TFB2M: variants seen among roughly 807,000 people sequenced by gnomAD.
TFB2M encodes transcription factor B2, mitochondrial.
A neutral mutation model predicts 41.3 loss-of-function variants in TFB2M; 44 were observed. That is an observed-to-expected ratio of 1.07 (90% CI 0.84 to 1.37). The LOEUF (loss-of-function observed/expected upper bound fraction) is 1.37. TFB2M is among the 40% of genes most tolerant of loss of function. The pLI, the probability that TFB2M is intolerant of heterozygous loss-of-function variation, is 0.00. For missense variants in TFB2M, 496 were observed against 490.2 expected (o/e 1.01, Z -0.11); for synonymous variants, 188 against 176.8 (o/e 1.06, Z -0.50).
intron 6 of TFB2M, among the ~76,000 whole-genome samples, chr1:246,544,928 C>T (rs1206967781): frequency 2.0e-5 from 3 of 152,102 alleles, no homozygotes; most frequent in Non-Finnish European, 4.4e-5. Flanking sequence ...GCCTCAGCCT[C>T]CCGAGTAGCT....
At chr1:246,564,207 T>C (rs1000603225) in intron 2 of TFB2M, 139 bp downstream of exon 2, 6 of 687,828 alleles carry the variant, frequency 8.7e-6, no homozygotes, top group Non-Finnish European at 1.5e-5. Flanking sequence ...TTCTAGTCTT[T>C]GGGAATAAAC....
chr1:246,540,690 T>C lies in TFB2M; in HGVS notation c.*341A>G, dbSNP rs887797974. 1 of 187,626 alleles carries C rather than the reference T, an allele frequency of 5.3e-6. No individual in the cohort carries two copies. The highest frequency in any genetic ancestry group is 2.3e-5 in the African/African-American group (1 of 42,700). 11.6% of individuals were successfully genotyped at this position (187,626 alleles called of 1,614,324 possible). Reference sequence around the variant, plus strand: ...AAACCAGTAAATCAGTTTTGCTTACTTTCTAAGCTTAATAATGTACAGACT... The same window carrying C: ...AAACCAGTAAATCAGTTTTGCTTACCTTCTAAGCTTAATAATGTACAGACT... On this transcript the variant is annotated 3_prime_UTR_variant, in exon 8 of 8. Transcript: ENST00000366514.
In TFB2M at chr1:246,565,582, C is replaced by G. The variant is rs555705197; in HGVS notation, c.313+244G>C. ...AGAAAATTAGCTGGGCGTGGTGGCG[C>G]GCGCCTGTAGTTCTTGCTACTCGGG... On this transcript the variant is annotated intron_variant, in intron 1 of 7. Coordinates refer to ENST00000366514, the MANE Select transcript of TFB2M (RefSeq NM_022366.3). 1.6e-4 allele frequency among the ~76,000 whole-genome samples: 25 copies of G among 152,186 alleles called. No homozygotes were observed. The South Asian group carries it at 5.0e-3, about 30-fold the overall frequency.
Position 246,551,985 on chromosome 1 carries a change from T to C in TFB2M, c.706-683A>G, listed in dbSNP as rs137874548. Among the ~76,000 whole-genome samples the C allele has an allele frequency of 1.7e-3, 255 of 152,276 alleles. 1 individual carries two copies. The highest frequency in any genetic ancestry group is 5.8e-3 in the African/African-American group (241 of 41,550). ...TAAATGGGTCTGGGGGAGCAAATCATCCCTTCATTTTTTGCCCCACTATCC... is the reference window on the plus strand; with the variant it reads ...TAAATGGGTCTGGGGGAGCAAATCACCCCTTCATTTTTTGCCCCACTATCC... On this transcript the variant is annotated intron_variant, in intron 4 of 7. Coordinates refer to ENST00000366514, the MANE Select transcript of TFB2M (RefSeq NM_022366.3).
At chr1:246,554,213 T>C (rs796076240) in intron 4 of TFB2M, among the ~76,000 whole-genome samples, 7 of 152,146 alleles carry the variant, frequency 4.6e-5, no homozygotes, top group African/African-American at 1.7e-4. Flanking sequence ...GCCAAAACTA[T>C]AAAACTCTTA....
At chr1:246,559,332 C>T (rs1659397563) in intron 2 of TFB2M, among the ~76,000 whole-genome samples, 1 of 152,096 alleles carries the variant, frequency 6.6e-6, no homozygotes, top group Admixed American at 6.6e-5. Flanking sequence ...GCGGATCACA[C>T]AAGGTCAGGA....
At chr1:246,551,556 G>T (rs527902171) in intron 4 of TFB2M, among the ~76,000 whole-genome samples, 1 of 152,298 alleles carries the variant, frequency 6.6e-6, no homozygotes, top group Non-Finnish European at 1.5e-5. Context: ...AATAGCCACA[G>T]CACTCCGGCA....
intron 6 of TFB2M, among the ~76,000 whole-genome samples, chr1:246,545,798 C>A (rs2102983839): frequency 9.4e-6 from 1 of 105,888 alleles, no homozygotes; most frequent in East Asian, 3.1e-4. Flanking sequence ...GGTGACAGAG[C>A]AAGACCCTGA....
chr1:246,559,441 G>C (rs149345950), intron 2 of TFB2M, among the ~76,000 whole-genome samples: 1 of 152,220 alleles, frequency 6.6e-6, no homozygotes, highest in African/African-American at 2.4e-5. Flanking sequence ...TCCAGCTATT[G>C]GGGAGGTGAA....
intron 2 of TFB2M, among the ~76,000 whole-genome samples, chr1:246,561,413 C>G (rs913155700): frequency 6.6e-6 from 1 of 152,146 alleles, no homozygotes; most frequent in African/African-American, 2.4e-5. Context: ...TCTCTAGTCC[C>G]TAACCTTCCT....
At chr1:246,564,925 TCGC>T (rs748871591) in intron 1 of TFB2M, among the ~76,000 whole-genome samples, 3 of 152,152 alleles carry the variant, frequency 2.0e-5, no homozygotes, top group Non-Finnish European at 4.4e-5. Flanking sequence ...AGGGAACCAC[TCGC>T]CTCGGCCTCT....
At chr1:246,558,519 G>A (rs996784865) in intron 2 of TFB2M, among the ~76,000 whole-genome samples, 1 of 152,174 alleles carries the variant, frequency 6.6e-6, no homozygotes, top group Non-Finnish European at 1.5e-5. Context: ...CTGCTTAGTA[G>A]TGGTTACCTG....
At chr1:246,553,093 G>T (rs112372009) in intron 4 of TFB2M, among the ~76,000 whole-genome samples, 3,883 of 151,908 alleles carry the variant, frequency 0.026, 111 homozygotes, top group African/African-American at 0.06. Flanking sequence ...ATGGTGGCGC[G>T]TGCCTGTAAT....
intron 7 of TFB2M, among the ~76,000 whole-genome samples, chr1:246,542,336 T>C (rs3120700): frequency 0.24 from 36,575 of 151,656 alleles, 4,865 homozygotes; most frequent in Middle Eastern, 0.43. Context: ...TGTATCAGCT[T>C]AGCAACAAAC....
At chr1:246,544,378 G>A (rs186112615) in intron 7 of TFB2M, 143 bp downstream of exon 7, 23 of 728,298 alleles carry the variant, frequency 3.2e-5, no homozygotes, top group African/African-American at 1.3e-4. Flanking sequence ...TGTACACCAG[G>A]GAGAACAAAT....
rs529728393 is a variant in TFB2M, at chr1:246,545,125, C to T, written c.859-444G>A. 3.6e-4 allele frequency among the ~76,000 whole-genome samples: 54 copies of T among 152,078 alleles called. 1 individual carries two copies. The highest frequency in any genetic ancestry group is 5.9e-4 in the Non-Finnish European group (40 of 68,006). On this transcript the variant is annotated intron_variant, in intron 6 of 7. Coordinates refer to ENST00000366514, the MANE Select transcript of TFB2M (RefSeq NM_022366.3). ...CCGGCCCACATTTTCTTATTGTGTACACCAAGAACACAAAGCCCTAATTGG... is the reference window on the plus strand; with the variant it reads ...CCGGCCCACATTTTCTTATTGTGTATACCAAGAACACAAAGCCCTAATTGG...
intron 4 of TFB2M, 23 bp from the exon 5 acceptor site, chr1:246,551,325 T>C: frequency 6.7e-7 from 1 of 1,492,242 alleles, no homozygotes; most frequent in Non-Finnish European, 9.4e-7. Flanking sequence ...AAATAAAAAT[T>C]ACATGTTATA....
chr1:246,565,776 G>A (rs752371968), intron 1 of TFB2M, 50 bp downstream of exon 1: 14 of 1,566,958 alleles, frequency 8.9e-6, no homozygotes, highest in Non-Finnish European at 1.2e-5. Flanking sequence ...GGGTCAATAC[G>A]TTTGAATAAA....
intron 4 of TFB2M, among the ~76,000 whole-genome samples, chr1:246,555,028 T>C (rs1659284339): frequency 6.6e-6 from 1 of 152,150 alleles, no homozygotes; most frequent in Non-Finnish European, 1.5e-5. Flanking sequence ...CCATTAAAAA[T>C]GGGCAAATGT....
Sources: gnomAD v4.1 joint callset for allele counts (sites outside exome capture counted in the v4.1 genomes callset) on GRCh38, gnomAD v4.1.1 for gene constraint, MANE v1.5 for transcripts, NCBI Gene and HGNC (gene_info 2026-07-23, HGNC 2026-07-21) for gene names.